Variants in SLIT3 observed in about 807,000 individuals in gnomAD.
The protein encoded by SLIT3 is slit guidance ligand 3.
SLIT3 carries 68 observed loss-of-function variants against 184.0 expected under a neutral mutation model. The observed-to-expected ratio is 0.37, with a 90% CI of 0.30 to 0.45. The LOEUF (loss-of-function observed/expected upper bound fraction) is 0.45. Ranked by LOEUF, SLIT3 falls within the 20% of genes least tolerant of loss-of-function variation. The probability of loss-of-function intolerance (pLI) is 1.00; values close to 1 mark genes in which losing one functional copy is unlikely to be tolerated. For missense variants in SLIT3, 1,707 were observed against 2,026.0 expected (o/e 0.84, Z 3.02); for synonymous variants, 831 against 828.6 (o/e 1.00, Z -0.05).
rs575484534 is a variant in SLIT3 at position 168,754,407 on chromosome 5, G to A, written c.1686-400C>T. 4.6e-5 allele frequency among the ~76,000 whole-genome samples: 7 copies of A among 152,266 alleles called. No individual in the cohort carries two copies. In the East Asian group the frequency reaches 7.7e-4, roughly 17 times the overall value. ...AGGCACAGCAAGGCAAATATCATAC[G>A]CTCCTACTCATATGTGGGAGCTAAA... On this transcript the variant is annotated intron_variant, in intron 16 of 35. Transcript: ENST00000519560.
At chr5:168,831,739 C>A (rs1250746044) in intron 6 of SLIT3, among the ~76,000 whole-genome samples, 1 of 152,198 alleles carries the variant, frequency 6.6e-6, no homozygotes, top group Non-Finnish European at 1.5e-5. Flanking sequence ...TCATGTAAAA[C>A]CTACAGAAAT....
chr5:168,883,729 C>T (rs955387316), intron 4 of SLIT3, among the ~76,000 whole-genome samples: 3 of 151,534 alleles, frequency 2.0e-5, no homozygotes, highest in Admixed American at 6.6e-5. Context: ...GGGTCAACGC[C>T]GCTCAATCTC....
intron 1 of SLIT3, among the ~76,000 whole-genome samples, chr5:169,257,882 C>A (rs1766030656): frequency 1.3e-5 from 2 of 151,534 alleles, no homozygotes; most frequent in African/African-American, 4.9e-5. Context: ...CTTCTCTTTG[C>A]AACAGTTCTG....
intron 3 of SLIT3, among the ~76,000 whole-genome samples, chr5:169,230,044 G>A (rs1002170540): frequency 6.6e-6 from 1 of 152,138 alleles, no homozygotes; most frequent in Non-Finnish European, 1.5e-5. Context: ...TTCATGGAGT[G>A]TAATTTCAGT....
intron 4 of SLIT3, among the ~76,000 whole-genome samples, chr5:169,164,554 A>G (rs1448679691): frequency 2.0e-5 from 3 of 152,104 alleles, no homozygotes; most frequent in South Asian, 4.1e-4. Context: ...ACATTTTCCC[A>G]TTCTCTCCGG....
intron 26 of SLIT3, among the ~76,000 whole-genome samples, chr5:168,705,025 C>T (rs934709971): frequency 7.9e-5 from 12 of 152,170 alleles, no homozygotes; most frequent in African/African-American, 1.4e-4. Flanking sequence ...AGGAGAAGAG[C>T]GAGTTCTGTC....
At chr5:168,693,655 A>G (rs2194099) in intron 28 of SLIT3, among the ~76,000 whole-genome samples, 48,173 of 151,010 alleles carry the variant, frequency 0.32, 8,514 homozygotes, top group African/African-American at 0.47. Flanking sequence ...CTCTCCAGGA[A>G]TGGGGTGGGA....
At chr5:168,949,010 G>A (rs539744933) in intron 4 of SLIT3, among the ~76,000 whole-genome samples, 124 of 152,264 alleles carry the variant, frequency 8.1e-4, no homozygotes, top group African/African-American at 1.9e-3. Flanking sequence ...TGCAGAGGTC[G>A]TTAAAAACAC....
Position 169,197,864 on chromosome 5 carries a change from C to T in SLIT3, c.342-4314G>A, listed in dbSNP as rs150207061. ...TTGCAAAGCCATACTGCTTTTCAGCCTGAATTGAGAAGCACTAAGAAATAG... is the reference window on the plus strand; with the variant it reads ...TTGCAAAGCCATACTGCTTTTCAGCTTGAATTGAGAAGCACTAAGAAATAG... On this transcript the variant is annotated intron_variant, in intron 3 of 35. Transcript: ENST00000519560. Among the ~76,000 whole-genome samples the T allele has an allele frequency of 3.3e-4, 50 of 152,230 alleles. No homozygotes were observed. The East Asian group carries it at 6.9e-3, about 21-fold the overall frequency.
At chr5:169,224,818 C>T (rs1345087995) in intron 3 of SLIT3, among the ~76,000 whole-genome samples, 1 of 152,126 alleles carries the variant, frequency 6.6e-6, no homozygotes, top group African/African-American at 2.4e-5. Flanking sequence ...TCCCGATAAG[C>T]TGGGACTACA....
At chr5:168,814,701 C>G (rs1009682821) in intron 8 of SLIT3, among the ~76,000 whole-genome samples, 1 of 152,222 alleles carries the variant, frequency 6.6e-6, no homozygotes, top group Admixed American at 6.5e-5. Context: ...TTTGAAAACG[C>G]ATTAGGTTGG....
At chr5:169,261,791 C>T (rs911407354) in intron 1 of SLIT3, among the ~76,000 whole-genome samples, 2 of 152,156 alleles carry the variant, frequency 1.3e-5, no homozygotes, top group Non-Finnish European at 2.9e-5. Context: ...CTAACCCATG[C>T]AACACAAAAA....
intron 1 of SLIT3, among the ~76,000 whole-genome samples, chr5:169,281,876 C>CA (rs1234868131): frequency 7.5e-5 from 1 of 13,406 alleles, no homozygotes; most frequent in Non-Finnish European, 2.4e-4. Context: ...AGGTAATTTT[C>CA]CCCCCCAGGG....
At chr5:168,924,493 G>GGTGTGTGTGT (rs533742883) in intron 4 of SLIT3, among the ~76,000 whole-genome samples, 2 of 140,550 alleles carry the variant, frequency 1.4e-5, no homozygotes, top group East Asian at 2.0e-4. Context: ...GGTGTGTAAG[G>GGTGTGTGTGT]GTGTGTGTGT....
Position 168,710,914 on chromosome 5 carries a change from G to A in SLIT3, c.2700C>T (p.Thr900=), listed in dbSNP as rs1464006437. The A allele has an allele frequency of 1.9e-6, 3 of 1,553,570 alleles. No individual in the cohort carries two copies. In the South Asian group the frequency reaches 3.6e-5, roughly 19 times the overall value. Residue 900 remains threonine (T), a synonymous_variant, in exon 25 of 36, where the codon ACC becomes ACT. Transcript: ENST00000519560. ...MADRLLLTTP[T]HRFQCKGPVD... is the part of the protein sequence containing the mutation. ...ACCTACCTTTGCACTGGAAGCGGTGGGTTGGGGTGGTGAGCAGGAGCCTGT... is the reference window on the plus strand; with the variant it reads ...ACCTACCTTTGCACTGGAAGCGGTGAGTTGGGGTGGTGAGCAGGAGCCTGT...
intron 4 of SLIT3, among the ~76,000 whole-genome samples, chr5:169,144,540 A>G (rs79192062): frequency 0.04 from 6,020 of 152,340 alleles, 184 homozygotes; most frequent in Non-Finnish European, 0.065. Flanking sequence ...CACAGCGTCT[A>G]GATGCTCTCA....
chr5:169,069,201 C>G (rs924019203), intron 4 of SLIT3, among the ~76,000 whole-genome samples: 1 of 152,226 alleles, frequency 6.6e-6, no homozygotes, highest in Non-Finnish European at 1.5e-5. Context: ...TAAGGGGGCA[C>G]ACAACTCCTC....
At chr5:168,883,426 GGCT>G in intron 4 of SLIT3, 90 bp from the exon 5 acceptor site, 1 of 1,004,252 alleles carries the variant, frequency 1.0e-6, no homozygotes, top group Non-Finnish European at 1.5e-6. Flanking sequence ...CCCCCACCCA[GGCT>G]GCTGCCTCTG....
intron 1 of SLIT3, among the ~76,000 whole-genome samples, chr5:169,287,909 G>A (rs1767213243): frequency 6.6e-6 from 1 of 152,146 alleles, no homozygotes; most frequent in African/African-American, 2.4e-5. Flanking sequence ...CACTGGCCAA[G>A]TGAAGGTTCT....
Sources: gnomAD v4.1 joint callset for allele counts (sites outside exome capture counted in the v4.1 genomes callset) on GRCh38, gnomAD v4.1.1 for gene constraint, MANE v1.5 for transcripts, NCBI Gene and HGNC (gene_info 2026-07-23, HGNC 2026-07-21) for gene names.